Variants in TACR1 observed in about 807,000 individuals in gnomAD.
TACR1 encodes tachykinin receptor 1.
Under a neutral mutation model 35.8 loss-of-function variants are expected in TACR1, and 25 were observed. The ratio of observed to expected loss-of-function variants is 0.70; its 90% CI spans 0.51 to 0.98. The LOEUF is 0.98. Ranked by LOEUF, TACR1 falls within the 50% of genes least tolerant of loss-of-function variation. TACR1 has a pLI of 0.00. For missense variants in TACR1, 478 were observed against 522.9 expected, an observed-to-expected ratio of 0.91 and a Z score of 0.84; for synonymous variants, 195 against 206.7, an observed-to-expected ratio of 0.94 and a Z score of 0.48.
At chr2:75,084,387 T>C (rs1317821049) in intron 2 of TACR1, among the ~76,000 whole-genome samples, 1 of 152,234 alleles carries the variant, frequency 6.6e-6, no homozygotes, top group African/African-American at 2.4e-5. Flanking sequence ...TCTAAAATTC[T>C]CTTTTTTGGT....
intron 1 of TACR1, among the ~76,000 whole-genome samples, chr2:75,145,096 A>G (rs970470511): frequency 1.3e-5 from 2 of 152,172 alleles, no homozygotes; most frequent in African/African-American, 2.4e-5. Context: ...TACCATAAAG[A>G]TGATTCACTG....
chr2:75,151,732 C>T (rs533963208), intron 1 of TACR1, among the ~76,000 whole-genome samples: 86 of 152,192 alleles, frequency 5.7e-4, no homozygotes, highest in African/African-American at 1.9e-3. Context: ...TCCTCCAGAC[C>T]CCAGAATAGC....
At chr2:75,130,237 G>A (rs1674150639) in intron 1 of TACR1, among the ~76,000 whole-genome samples, 1 of 152,162 alleles carries the variant, frequency 6.6e-6, no homozygotes, top group African/African-American at 2.4e-5. Context: ...TCCTGCTGAA[G>A]TATAGCAGGT....
chr2:75,129,358 C>G (rs983632915), intron 1 of TACR1, among the ~76,000 whole-genome samples: 4 of 152,118 alleles, frequency 2.6e-5, no homozygotes, highest in African/African-American at 9.7e-5. Flanking sequence ...TGCAGTGTGG[C>G]CTTGATATTA....
chr2:75,130,527 G>A (rs760233625), intron 1 of TACR1, among the ~76,000 whole-genome samples: 35 of 152,314 alleles, frequency 2.3e-4, no homozygotes, highest in Middle Eastern at 3.4e-3. Flanking sequence ...ATCCACAACT[G>A]TTTATTTATT....
At chr2:75,194,973 C>A (rs1292529887) in intron 1 of TACR1, among the ~76,000 whole-genome samples, 2 of 152,090 alleles carry the variant, frequency 1.3e-5, no homozygotes, top group African/African-American at 4.8e-5. Context: ...GGTTCTGCTC[C>A]ACAGTACTTG....
chr2:75,184,528 A>G (rs13001853), intron 1 of TACR1, among the ~76,000 whole-genome samples: 31,937 of 151,488 alleles, frequency 0.21, 3,710 homozygotes, highest in Middle Eastern at 0.27. Context: ...AAAACCTGAG[A>G]AAAAAAACCA....
intron 2 of TACR1, among the ~76,000 whole-genome samples, chr2:75,118,469 A>T (rs184935933): frequency 1.8e-4 from 28 of 152,334 alleles, no homozygotes; most frequent in African/African-American, 6.7e-4. Context: ...AGTAGCAGCT[A>T]CCCTAAATTC....
chr2:75,076,881 A>C (rs1464599715), intron 2 of TACR1, among the ~76,000 whole-genome samples: 1 of 152,180 alleles, frequency 6.6e-6, no homozygotes, highest in African/African-American at 2.4e-5. Context: ...TTTATTCAGT[A>C]GGAAGGGGGA....
At chr2:75,118,922 C>T (rs922134774) in intron 2 of TACR1, 2 of 152,260 alleles carry the variant, frequency 1.3e-5, no homozygotes, top group East Asian at 3.9e-4. Context: ...TGGGACCTTG[C>T]TCAGGCTTGT....
intron 1 of TACR1, among the ~76,000 whole-genome samples, chr2:75,125,589 T>G (rs1674056718): frequency 6.6e-6 from 1 of 152,194 alleles, no homozygotes; most frequent in African/African-American, 2.4e-5. Context: ...AAAGTTTGGT[T>G]GCATAAATGA....
intron 1 of TACR1, chr2:75,189,300 C>A (rs1675786465): frequency 6.6e-6 from 1 of 152,358 alleles, no homozygotes; most frequent in Admixed American, 6.5e-5. Context: ...GGGTCTCCAA[C>A]TCAACCCCTG....
chr2:75,174,620 C>T (rs1028284503), intron 1 of TACR1, among the ~76,000 whole-genome samples: 2 of 152,136 alleles, frequency 1.3e-5, no homozygotes, highest in African/African-American at 4.8e-5. Context: ...AAATGGAAAC[C>T]GTGGATAAGG....
At chr2:75,165,319 T>A (rs890142909) in intron 1 of TACR1, among the ~76,000 whole-genome samples, 1 of 152,100 alleles carries the variant, frequency 6.6e-6, no homozygotes, top group African/African-American at 2.4e-5. Context: ...TATTTTACTT[T>A]ATTTTTTTGA....
rs375971398 is a variant in TACR1, at chr2:75,111,266, A to G, written c.584+9308T>C. On this transcript the variant is annotated intron_variant, in intron 2 of 4. Transcript: ENST00000305249. ...CATTTTGGCTTCTACCTTGAGGGTT[A>G]TGCATTGAAAGCCTCTACTCCATCC... Among the ~76,000 whole-genome samples, 16 of 152,010 alleles carry G rather than the reference A, an allele frequency of 1.1e-4. No homozygotes were observed. The East Asian group carries it at 2.5e-3, about 24-fold the overall frequency.
intron 1 of TACR1, among the ~76,000 whole-genome samples, chr2:75,132,297 A>C (rs1166226137): frequency 2.0e-5 from 3 of 152,184 alleles, no homozygotes; most frequent in African/African-American, 7.2e-5. Flanking sequence ...TTTATCTCTT[A>C]AATCTAACCT....
At chr2:75,056,743 A>C (rs957747574) in intron 2 of TACR1, among the ~76,000 whole-genome samples, 4 of 152,206 alleles carry the variant, frequency 2.6e-5, no homozygotes, top group Non-Finnish European at 5.9e-5. Flanking sequence ...CCTTTAAAAA[A>C]TCCCTCCCTT....
intron 2 of TACR1, among the ~76,000 whole-genome samples, chr2:75,088,891 A>G (rs140917335): frequency 7.7e-4 from 117 of 152,078 alleles, no homozygotes; most frequent in African/African-American, 2.6e-3. Context: ...CCCACAGCTC[A>G]TCTGCTTTAG....
intron 2 of TACR1, among the ~76,000 whole-genome samples, chr2:75,067,453 C>T (rs1430890222): frequency 1.3e-5 from 2 of 152,106 alleles, no homozygotes; most frequent in African/African-American, 2.4e-5. Context: ...CTATTTTGTA[C>T]TAGGTGCTGA....
Sources: gnomAD v4.1 joint callset for allele counts (sites outside exome capture counted in the v4.1 genomes callset) on GRCh38, gnomAD v4.1.1 for gene constraint, MANE v1.5 for transcripts, NCBI Gene and HGNC (gene_info 2026-07-23, HGNC 2026-07-21) for gene names.